IGSF10: variants seen among roughly 807,000 people sequenced by gnomAD.
IGSF10 encodes calvaria mechanical force protein 608.
A neutral mutation model predicts 128.2 loss-of-function variants in IGSF10; 126 were observed. The ratio of observed to expected loss-of-function variants is 0.98; its 90% CI spans 0.85 to 1.14. IGSF10 has a LOEUF of 1.14. Ranked by LOEUF, IGSF10 falls within the 50% of genes most tolerant of loss-of-function variation. The pLI is 0.00. For synonymous variants in IGSF10, 1,185 were observed against 1,146.2 expected, an observed-to-expected ratio of 1.03 and a Z score of -0.68; for missense variants, 3,295 against 3,149.8, an observed-to-expected ratio of 1.05 and a Z score of -1.10.
At chr3:151,543,506 C>T in the IGSF10 span, among the ~76,000 whole-genome samples, 3 of 152,076 alleles carry the variant, frequency 2.0e-5, no homozygotes, top group African/African-American at 4.8e-5. Context: ...TGTGCCATGC[C>T]GTGCCATGCC....
chr3:151,587,272 C>G, the IGSF10 span, among the ~76,000 whole-genome samples: 1 of 152,072 alleles, frequency 6.6e-6, no homozygotes, highest in African/African-American at 2.4e-5. Context: ...TCAGAATTTT[C>G]TCCTAACACA....
At chr3:151,497,489 T>A in the IGSF10 span, among the ~76,000 whole-genome samples, 1 of 152,214 alleles carries the variant, frequency 6.6e-6, no homozygotes, top group African/African-American at 2.4e-5. Flanking sequence ...TAGTTGTAGA[T>A]ATGTGGCATT....
chr3:151,474,861 C>A, the IGSF10 span, among the ~76,000 whole-genome samples: 1 of 152,144 alleles, frequency 6.6e-6, no homozygotes, highest in African/African-American at 2.4e-5. Context: ...CTTTCCAAAA[C>A]CACCAGATCT....
At chr3:151,450,895 CAA>C (rs35070766) in intron 5 of IGSF10, among the ~76,000 whole-genome samples, 8 of 55,408 alleles carry the variant, frequency 1.4e-4, no homozygotes, top group Non-Finnish European at 2.5e-4. Context: ...AACTCTGTCT[CAA>C]AAAAAAAAAA....
the IGSF10 span, among the ~76,000 whole-genome samples, chr3:151,492,173 T>C: frequency 6.6e-6 from 1 of 152,004 alleles, no homozygotes; most frequent in Non-Finnish European, 1.5e-5. Flanking sequence ...GAAAAACAAA[T>C]AACACGATTT....
chr3:151,448,764 T>A lies in IGSF10; in HGVS notation c.1217A>T (p.Gln406Leu). 8 of 1,613,694 alleles carry A rather than the reference T, an allele frequency of 5.0e-6. No individual in the cohort carries two copies. Among genetic ancestry groups the A allele is most frequent in the Non-Finnish European group, 6.8e-6 (8 of 1,179,580 alleles). ...AATGTCTTCAGGCTTAGGAGCCACC[T>A]GTTTATATTTGTAATAGAGCTGCGG... ...ETPQLYYKYKQVAPKPEDIFT... is the reference protein window; with the variant it reads ...ETPQLYYKYKLVAPKPEDIFT... The change falls in exon 6 of 8, where the codon CAG becomes CTG. Residue 406 changes from glutamine (Q) to leucine (L), a missense_variant. Transcript: ENST00000282466.
chr3:151,577,525 T>G, the IGSF10 span, among the ~76,000 whole-genome samples: 1 of 152,230 alleles, frequency 6.6e-6, no homozygotes, highest in Non-Finnish European at 1.5e-5. Context: ...TTATCTGTAC[T>G]AAATATTGGT....
chr3:151,611,980 T>C, the IGSF10 span, among the ~76,000 whole-genome samples: 3 of 152,168 alleles, frequency 2.0e-5, no homozygotes, highest in Non-Finnish European at 4.4e-5. Context: ...ATCAATTACA[T>C]GTGGAAAGTT....
At chr3:151,596,221 A>G in the IGSF10 span, among the ~76,000 whole-genome samples, 3 of 152,220 alleles carry the variant, frequency 2.0e-5, no homozygotes, top group Non-Finnish European at 2.9e-5. Flanking sequence ...ACATAAAGCA[A>G]TAGACAAAAC....
chr3:151,473,124 C>T, the IGSF10 span, among the ~76,000 whole-genome samples: 1 of 152,190 alleles, frequency 6.6e-6, no homozygotes, highest in African/African-American at 2.4e-5. Flanking sequence ...ATGTGTTCTT[C>T]TGTTTTCCTC....
At chr3:151,463,541 T>TTTTTG (rs1722156919), upstream of IGSF10, among the ~76,000 whole-genome samples, 2 of 108,612 alleles carry the variant, frequency 1.8e-5, no homozygotes, top group Non-Finnish European at 3.6e-5. Flanking sequence ...TTTTTTTTTT[T>TTTTTG]TTTTTTTTTT....
At chr3:151,530,799 G>C in the IGSF10 span, among the ~76,000 whole-genome samples, 1 of 152,050 alleles carries the variant, frequency 6.6e-6, no homozygotes. Context: ...TGAAGAAACG[G>C]CATCAACTAA....
At chr3:151,533,557 G>A in the IGSF10 span, among the ~76,000 whole-genome samples, 2 of 152,156 alleles carry the variant, frequency 1.3e-5, no homozygotes, top group African/African-American at 4.8e-5. Flanking sequence ...ATGGGGAAAG[G>A]ATTCCCTATT....
At chr3:151,605,395 A>G in the IGSF10 span, among the ~76,000 whole-genome samples, 1 of 152,222 alleles carries the variant, frequency 6.6e-6, no homozygotes, top group Non-Finnish European at 1.5e-5. Flanking sequence ...CCTTACAGTC[A>G]GCTGTTACAG....
chr3:151,610,682 T>A, the IGSF10 span, among the ~76,000 whole-genome samples: 1 of 152,192 alleles, frequency 6.6e-6, no homozygotes. Flanking sequence ...ACTGGGTAAT[T>A]TATAAATAGT....
chr3:151,443,090 C>T lies in IGSF10; in HGVS notation c.5857G>A (p.Val1953Met), dbSNP rs145172493. 2.5e-6 allele frequency: 4 copies of T among 1,614,134 alleles called. No homozygotes were observed. In the South Asian group the frequency reaches 3.3e-5, roughly 13 times the overall value. ...IEAASQKRTE[V>M]NFGDKLLLNC... ...AGTAGTAATTTGTCCCCAAAATTCA[C>T]TTCAGTCCTTTTCTGGGATGCAGCT... is the stretch of plus-strand genomic sequence containing the variant. Residue 1953 changes from valine to methionine, a missense_variant, in exon 7 of 8, where the codon GTG becomes ATG. Val to Met is a conservative substitution (Grantham distance 21, BLOSUM62 1). Coordinates refer to ENST00000282466, the MANE Select transcript of IGSF10 (RefSeq NM_178822.5).
chr3:151,448,191 G>A lies in IGSF10; in HGVS notation c.1790C>T (p.Ser597Phe). 1 of 1,614,194 alleles carries A rather than the reference G, an allele frequency of 6.2e-7. No individual in the cohort carries two copies. ...AATAGAGGCATCTGGGATACCAGTAGAATGGCATGGAAGATCAAGTGTTTC... is the reference window on the plus strand; with the variant it reads ...AATAGAGGCATCTGGGATACCAGTAAAATGGCATGGAAGATCAAGTGTTTC... ...IGETLDLPCH[S>F]TGIPDASISW... The change falls in exon 6 of 8, where the codon TCT (serine) becomes TTT (phenylalanine). Residue 597 changes from serine (S) to phenylalanine (F), a missense_variant. Ser to Phe is a radical substitution (Grantham distance 155). Coordinates refer to ENST00000282466, the MANE Select transcript of IGSF10 (RefSeq NM_178822.5).
the IGSF10 span, among the ~76,000 whole-genome samples, chr3:151,513,659 T>C: frequency 0.48 from 72,659 of 151,960 alleles, 17,837 homozygotes; most frequent in South Asian, 0.59. Context: ...GGCATTCAAC[T>C]AGGAAAAGAG....
chr3:151,458,599 C>T lies in IGSF10; in HGVS notation c.111G>A (p.Met37Ile). The change falls in exon 3 of 8, where the codon ATG (methionine) becomes ATA (isoleucine). Residue 37 changes from methionine to isoleucine, a missense_variant. Physicochemically the swap from Met to Ile is conservative, Grantham distance 10 (BLOSUM62 1). Transcript: ENST00000282466. ...KACPRRCACYMPTEVHCTFRY... is the reference protein window; with the variant it reads ...KACPRRCACYIPTEVHCTFRY... ...GAAATGTGCAGTGTACCTCCGTAGGCATATAACAGGCACAGCGGCGAGGAC... is the reference window on the plus strand; with the variant it reads ...GAAATGTGCAGTGTACCTCCGTAGGTATATAACAGGCACAGCGGCGAGGAC... 6.2e-7 allele frequency: 1 copy of T among 1,614,172 alleles called. No individual in the cohort carries two copies. Among genetic ancestry groups the T allele is most frequent in the Admixed American group, 1.7e-5 (1 of 60,018 alleles).
Sources: allele counts gnomAD v4.1 joint callset (sites outside exome capture counted in the v4.1 genomes callset), GRCh38; gene constraint gnomAD v4.1.1; transcripts MANE v1.5; gene names NCBI Gene and HGNC (gene_info 2026-07-23, HGNC 2026-07-21).